PTPRD: variants seen among roughly 807,000 people sequenced by gnomAD.
PTPRD encodes receptor-type tyrosine-protein phosphatase delta.
PTPRD carries 34 observed loss-of-function variants against 214.5 expected under a neutral mutation model. That is an observed-to-expected ratio of 0.16 (90% CI 0.12 to 0.21). The LOEUF (loss-of-function observed/expected upper bound fraction) is 0.21. Ranked by LOEUF, PTPRD falls within the 10% of genes least tolerant of loss-of-function variation. The probability of loss-of-function intolerance (pLI) is 1.00; values close to 1 mark genes in which losing one functional copy is unlikely to be tolerated. For synonymous variants in PTPRD, 1,128 were observed against 845.7 expected (o/e 1.33, Z -5.79); for missense variants, 2,545 against 2,398.7 (o/e 1.06, Z -1.27).
chr9:8,866,891 A>T (rs1227398932), intron 11 of PTPRD, among the ~76,000 whole-genome samples: 1 of 152,190 alleles, frequency 6.6e-6, no homozygotes, highest in Non-Finnish European at 1.5e-5. Context: ...GATAAAAGAT[A>T]ATAGAAAGCA....
chr9:9,861,653 T>C (rs1565839859), intron 5 of PTPRD, among the ~76,000 whole-genome samples: 1 of 152,210 alleles, frequency 6.6e-6, no homozygotes, highest in East Asian at 1.9e-4. Context: ...TGATATACAG[T>C]ATAATATTTT....
At chr9:8,703,957 G>A (rs1268893267) in intron 12 of PTPRD, among the ~76,000 whole-genome samples, 1 of 152,032 alleles carries the variant, frequency 6.6e-6, no homozygotes, top group African/African-American at 2.4e-5. Context: ...ACCCCAACAG[G>A]TGCTCTTAAC....
chr9:9,860,781 G>A (rs577920341), intron 5 of PTPRD, among the ~76,000 whole-genome samples: 1 of 152,284 alleles, frequency 6.6e-6, no homozygotes, highest in South Asian at 2.1e-4. Flanking sequence ...GGGGTCTTGT[G>A]TCTAGTGGTA....
At chr9:8,385,684 T>C (rs1220737071) in intron 37 of PTPRD, among the ~76,000 whole-genome samples, 1 of 152,180 alleles carries the variant, frequency 6.6e-6, no homozygotes, top group African/African-American at 2.4e-5. Context: ...CACTTATCAC[T>C]ACATGTAACC....
intron 14 of PTPRD, among the ~76,000 whole-genome samples, chr9:8,548,676 A>ATTTTTTT (rs71317369): frequency 4.9e-5 from 2 of 41,080 alleles, no homozygotes; most frequent in Non-Finnish European, 8.9e-5. Flanking sequence ...CTGGAGCTGG[A>ATTTTTTT]TTTTTTTTTT....
At position 9,144,072 on chromosome 9, in the gene PTPRD, C is replaced by T. The variant is rs77133195; in HGVS notation, c.-143+39232G>A. Among the ~76,000 whole-genome samples the T allele has an allele frequency of 1.1e-3, 173 of 152,240 alleles. 1 individual carries two copies. The East Asian group carries it at 0.023, about 20-fold the overall frequency. The stretch of plus-strand genomic sequence containing the variant: ...GCAACACAGCCAAATGTCTGATAAA[C>T]GAATGGATGGAGTATTTCCCTTCTT... On this transcript the variant is annotated intron_variant, in intron 10 of 45. Coordinates refer to ENST00000381196, the MANE Select transcript of PTPRD (RefSeq NM_002839.4).
At chr9:9,300,638 C>T (rs980040145) in intron 9 of PTPRD, among the ~76,000 whole-genome samples, 8 of 151,748 alleles carry the variant, frequency 5.3e-5, no homozygotes, top group Admixed American at 2.6e-4. Context: ...TCAGAGAGCT[C>T]TCTCACCTCT....
chr9:10,187,533 C>T (rs568428312), intron 3 of PTPRD, among the ~76,000 whole-genome samples: 1 of 152,286 alleles, frequency 6.6e-6, no homozygotes, highest in Admixed American at 6.5e-5. Flanking sequence ...TGAACTTGGC[C>T]TTTCGAATTC....
intron 39 of PTPRD, among the ~76,000 whole-genome samples, chr9:8,364,468 TGAG>T (rs750823014): frequency 6.6e-6 from 1 of 152,158 alleles, no homozygotes; most frequent in Admixed American, 6.5e-5. Flanking sequence ...GAGCCTGAGA[TGAG>T]GAAATTGTAG....
At chr9:8,624,512 T>C (rs192299212) in intron 14 of PTPRD, among the ~76,000 whole-genome samples, 22 of 151,912 alleles carry the variant, frequency 1.4e-4, no homozygotes, top group Non-Finnish European at 1.9e-4. Flanking sequence ...GATTCAGTAG[T>C]GATGGGAGAG....
intron 9 of PTPRD, among the ~76,000 whole-genome samples, chr9:9,218,686 G>A (rs997026041): frequency 2.0e-5 from 3 of 152,180 alleles, no homozygotes; most frequent in African/African-American, 7.2e-5. Flanking sequence ...GGTAAGACTG[G>A]TGAGCACTGC....
At chr9:9,539,916 T>G (rs1229633686) in intron 8 of PTPRD, among the ~76,000 whole-genome samples, 2 of 151,854 alleles carry the variant, frequency 1.3e-5, no homozygotes, top group Middle Eastern at 3.2e-3. Flanking sequence ...CATTCTCACA[T>G]CCATTTCCAT....
At chr9:10,189,055 C>A (rs146710465) in intron 3 of PTPRD, among the ~76,000 whole-genome samples, 2 of 151,908 alleles carry the variant, frequency 1.3e-5, no homozygotes, top group South Asian at 4.2e-4. Context: ...AAAGTGTCTT[C>A]GCCAACTCTC....
intron 2 of PTPRD, among the ~76,000 whole-genome samples, chr9:10,376,259 C>A (rs1267206260): frequency 1.3e-5 from 2 of 150,876 alleles, no homozygotes; most frequent in Non-Finnish European, 3.0e-5. Context: ...TTTTCTGTTT[C>A]CTGCTGCATT....
chr9:9,051,815 A>C (rs1479217111), intron 10 of PTPRD, among the ~76,000 whole-genome samples: 1 of 152,302 alleles, frequency 6.6e-6, no homozygotes, highest in South Asian at 2.1e-4. Context: ...AAATTCATTT[A>C]AATCAAATTG....
chr9:9,915,290 G>A (rs992995639), intron 5 of PTPRD, among the ~76,000 whole-genome samples: 3 of 151,692 alleles, frequency 2.0e-5, no homozygotes, highest in Non-Finnish European at 2.9e-5. Context: ...TCTACCAAAT[G>A]CATGGAAATT....
chr9:10,252,522 G>A (rs186861517), intron 3 of PTPRD, among the ~76,000 whole-genome samples: 3 of 152,018 alleles, frequency 2.0e-5, no homozygotes, highest in South Asian at 4.2e-4. Context: ...GAAAGCCACC[G>A]AGCCCAACCC....
At chr9:9,176,249 G>T (rs1419473141) in intron 10 of PTPRD, among the ~76,000 whole-genome samples, 1 of 152,080 alleles carries the variant, frequency 6.6e-6, no homozygotes, top group African/African-American at 2.4e-5. Flanking sequence ...AATTAATTCA[G>T]CTTATTTATT....
intron 4 of PTPRD, among the ~76,000 whole-genome samples, chr9:9,964,622 TTTC>T (rs1566783572): frequency 6.6e-6 from 1 of 152,298 alleles, no homozygotes; most frequent in East Asian, 1.9e-4. Context: ...CAGGTTTGAT[TTTC>T]TTTTTAGTTT....
Sources: gnomAD v4.1 joint callset for allele counts (sites outside exome capture counted in the v4.1 genomes callset) on GRCh38, gnomAD v4.1.1 for gene constraint, MANE v1.5 for transcripts, NCBI Gene and HGNC (gene_info 2026-07-23, HGNC 2026-07-21) for gene names.